The following DDX60L variants were observed in gnomAD, a reference collection of about 807,000 sequenced individuals.
DDX60L encodes the protein probable ATP-dependent RNA helicase DDX60-like.
Under a neutral mutation model 211.6 loss-of-function variants are expected in DDX60L, and 191 were observed. The observed-to-expected ratio is 0.90, with a 90% CI of 0.80 to 1.02. DDX60L has a LOEUF of 1.02. Among genes scored for constraint, DDX60L ranks in the 50% least tolerant of loss-of-function variants. DDX60L has a pLI of 0.00. For missense variants in DDX60L, 2,007 were observed against 1,984.1 expected (o/e 1.01, Z -0.22); for synonymous variants, 706 against 694.1 (o/e 1.02, Z -0.27).
intron 4 of DDX60L, chr4:168,471,483 A>G (rs898627761): frequency 1.1e-5 from 3 of 273,520 alleles, no homozygotes; most frequent in African/African-American, 6.6e-5. Context: ...AACCTACCCA[A>G]TATACCCCTC....
chr4:168,371,769 G>T lies in DDX60L; in HGVS notation c.4777-6C>A. The T allele has an allele frequency of 3.1e-6, 5 of 1,593,516 alleles. No individual in the cohort carries two copies. Among genetic ancestry groups the T allele is most frequent in the Non-Finnish European group, 4.3e-6 (5 of 1,165,908 alleles). ...CCGACTGTGCGCAGGATGACCTGAA[G>T]AAAGACATTTTCTATTACTTCATTA... On this transcript the variant is annotated splice_region_variant and splice_polypyrimidine_tract_variant and intron_variant, in intron 35 of 37. Coordinates refer to ENST00000682922, the MANE Select transcript of DDX60L (RefSeq NM_001012967.3).
At chr4:168,360,873 A>C (rs998962386) in intron 37 of DDX60L, among the ~76,000 whole-genome samples, 3 of 152,248 alleles carry the variant, frequency 2.0e-5, no homozygotes, top group African/African-American at 7.2e-5. Flanking sequence ...AGATTTATGA[A>C]GTCATGAGGA....
At chr4:168,440,250 A>G (rs1318911459) in intron 10 of DDX60L, among the ~76,000 whole-genome samples, 4 of 152,216 alleles carry the variant, frequency 2.6e-5, no homozygotes, top group African/African-American at 9.6e-5. Context: ...AAGATTGACA[A>G]GGCTGGGAAG....
chr4:168,449,805 TAAAA>T (rs777111638), intron 8 of DDX60L, among the ~76,000 whole-genome samples: 5 of 77,772 alleles, frequency 6.4e-5, no homozygotes, highest in Admixed American at 1.5e-4. Flanking sequence ...TGGGTAAAAA[TAAAA>T]AAAAAAAAAA....
chr4:168,420,457 T>C, intron 17 of DDX60L, 77 bp from the exon 18 acceptor site: 3 of 815,810 alleles, frequency 3.7e-6, no homozygotes, highest in Admixed American at 6.7e-5. Flanking sequence ...ACCGAATCCA[T>C]ACACATACAC....
intron 15 of DDX60L, 36 bp downstream of exon 15, chr4:168,423,572 A>G: frequency 3.9e-6 from 5 of 1,296,990 alleles, no homozygotes; most frequent in Non-Finnish European, 4.2e-6. Context: ...AAAATTGAGT[A>G]AAAATTTAAA....
intron 29 of DDX60L, among the ~76,000 whole-genome samples, chr4:168,387,001 C>T (rs1744009512): frequency 6.6e-6 from 1 of 152,088 alleles, no homozygotes; most frequent in Non-Finnish European, 1.5e-5. Context: ...TATTCCCTTG[C>T]CAGAAAATGA....
chr4:168,407,975 G>C (rs956363582), intron 22 of DDX60L, among the ~76,000 whole-genome samples: 2 of 152,202 alleles, frequency 1.3e-5, no homozygotes, highest in Non-Finnish European at 2.9e-5. Flanking sequence ...TTCTCAGATT[G>C]AATTTATGAA....
rs1021627697 is a variant in DDX60L, at chr4:168,422,792, T to C, written c.2098-122A>G. ...TTTTACTACACTTTTTTTTATTTTTTTGAGACAGGGTCTTTCTCTGTCACC... is the reference window on the plus strand; with the variant it reads ...TTTTACTACACTTTTTTTTATTTTTCTGAGACAGGGTCTTTCTCTGTCACC... On this transcript the variant is annotated intron_variant, in intron 15 of 37. Coordinates refer to ENST00000682922, the MANE Select transcript of DDX60L (RefSeq NM_001012967.3). 3.9e-6 allele frequency: 3 copies of C among 771,974 alleles called. No individual in the cohort carries two copies. The African/African-American group carries it at 5.3e-5, about 14-fold the overall frequency. 47.8% of individuals were successfully genotyped at this position (771,974 alleles called of 1,614,324 possible).
intron 5 of DDX60L, 95 bp from the exon 6 acceptor site, chr4:168,458,103 G>T: frequency 1.5e-6 from 1 of 663,472 alleles, no homozygotes; most frequent in South Asian, 2.4e-5. Flanking sequence ...ACCACAATGA[G>T]ATATTATCTC....
intron 20 of DDX60L, among the ~76,000 whole-genome samples, 192 bp from the exon 21 acceptor site, chr4:168,415,991 C>T (rs1388360164): frequency 6.6e-6 from 1 of 152,176 alleles, no homozygotes; most frequent in Non-Finnish European, 1.5e-5. Flanking sequence ...CTCCCTTTCT[C>T]CATCATAACA....
At chr4:168,398,228 C>T (rs139613168) in intron 26 of DDX60L, among the ~76,000 whole-genome samples, 1 of 152,250 alleles carries the variant, frequency 6.6e-6, no homozygotes, top group African/African-American at 2.4e-5. Context: ...AGTGTCTGCT[C>T]CTGCTGCCTG....
At chr4:168,479,761 G>A (rs976620194) in intron 1 of DDX60L, among the ~76,000 whole-genome samples, 44 of 126,878 alleles carry the variant, frequency 3.5e-4, no homozygotes, top group Middle Eastern at 3.7e-3. Flanking sequence ...GAGGTCAGGA[G>A]ATCGAGACCA....
rs1753832653 is a variant in DDX60L at position 168,441,504 on chromosome 4, T to C, written c.1139-12A>G. On this transcript the variant is annotated splice_polypyrimidine_tract_variant and intron_variant, in intron 9 of 37. Coordinates refer to ENST00000682922, the MANE Select transcript of DDX60L (RefSeq NM_001012967.3). ...ATTCAAATGTGGTTCTGCATAACAA[T>C]AAAAAATATTAAAATCTCAAAAGTC... is the stretch of plus-strand genomic sequence containing the variant. The C allele has an allele frequency of 1.3e-6, 2 of 1,571,406 alleles. No homozygotes were observed. Among genetic ancestry groups the C allele is most frequent in the East Asian group, 2.3e-5 (1 of 44,060 alleles).
intron 5 of DDX60L, 74 bp from the exon 6 acceptor site, chr4:168,458,082 G>C: frequency 1.1e-6 from 1 of 884,744 alleles, no homozygotes; most frequent in Non-Finnish European, 1.7e-6. Flanking sequence ...AGACACTTGA[G>C]GCAAATCAAA....
chr4:168,429,219 A>C (rs1751950640), intron 13 of DDX60L, among the ~76,000 whole-genome samples: 1 of 152,020 alleles, frequency 6.6e-6, no homozygotes, highest in African/African-American at 2.4e-5. Flanking sequence ...ATCTTGGCTC[A>C]CTGCAACCTC....
At chr4:168,471,700 G>A (rs1326729471) in intron 4 of DDX60L, 47 bp downstream of exon 4, 2 of 1,444,170 alleles carry the variant, frequency 1.4e-6, no homozygotes, top group East Asian at 4.7e-5. Flanking sequence ...AGACATTTCA[G>A]TTATAGTCTT....
chr4:168,431,993 T>A (rs1245842409), intron 12 of DDX60L, among the ~76,000 whole-genome samples: 1 of 152,128 alleles, frequency 6.6e-6, no homozygotes, highest in East Asian at 1.9e-4. Context: ...TATGGCTGTA[T>A]CAGCATATTT....
Position 168,394,542 on chromosome 4 carries a change from T to A in DDX60L, c.3733A>T (p.Ile1245Phe). The part of the protein sequence containing the change: ...KELKALAQRG[I>F]GYHHSSMYFK... ...TACATGCTGCTGTGATGATATCCAA[T>A]CCCCCTTTGTGCTAAAGCCTTCAGT... Residue 1245 changes from isoleucine to phenylalanine, a missense_variant, in exon 28 of 38, where the codon ATT becomes TTT. Coordinates refer to ENST00000682922, the MANE Select transcript of DDX60L (RefSeq NM_001012967.3). The A allele has an allele frequency of 1.2e-6, 2 of 1,613,658 alleles. No homozygotes were observed. The highest frequency in any genetic ancestry group is 1.7e-6 in the Non-Finnish European group (2 of 1,179,632).
Sources: allele counts gnomAD v4.1 joint callset (sites outside exome capture counted in the v4.1 genomes callset), GRCh38; gene constraint gnomAD v4.1.1; transcripts MANE v1.5; gene names NCBI Gene and HGNC (gene_info 2026-07-23, HGNC 2026-07-21).